SV2B: variants seen among roughly 807,000 people sequenced by gnomAD.
SV2B encodes synaptic vesicle glycoprotein 2B, also known as solute carrier family 22 member B2.
A neutral mutation model predicts 73.9 loss-of-function variants in SV2B; 41 were observed. The ratio of observed to expected loss-of-function variants is 0.56; its 90% CI spans 0.43 to 0.72. SV2B has a LOEUF of 0.72. SV2B is among the 30% of genes least tolerant of loss of function. The pLI, the probability that SV2B is intolerant of heterozygous loss-of-function variation, is 0.00. For synonymous variants in SV2B, 314 were observed against 314.2 expected, an observed-to-expected ratio of 1.00 and a Z score of 0.01; for missense variants, 764 against 857.8, an observed-to-expected ratio of 0.89 and a Z score of 1.37.
At chr15:91,108,369 C>T (rs2041947371) in intron 1 of SV2B, among the ~76,000 whole-genome samples, 1 of 152,154 alleles carries the variant, frequency 6.6e-6, no homozygotes, top group African/African-American at 2.4e-5. Flanking sequence ...GTTGGAATTC[C>T]ATAATGAAAA....
chr15:91,234,066 TCTA>T lies in SV2B; in HGVS notation c.451+7356_451+7358del, dbSNP rs1248692453. Among the ~76,000 whole-genome samples, 5 of 152,214 alleles carry T rather than the reference TCTA, an allele frequency of 3.3e-5. No homozygotes were observed. The highest frequency in any genetic ancestry group is 7.4e-5 in the Non-Finnish European group (5 of 68,024). On this transcript the variant is annotated intron_variant, in intron 2 of 12. Transcript: ENST00000394232. This position sits in a 1 kb window ranked among gnomAD's most constrained non-coding sequence, Gnocchi z 5.6. ...TGCAGCTTGTAGGGCTGGAAAAAAC[TCTA>T]CTATTTGTTTCATTGGTTGGCTGAA...
Position 91,140,241 on chromosome 15 carries a change from A to G in SV2B, c.-392+39878A>G, listed in dbSNP as rs964324669. Among the ~76,000 whole-genome samples, 1 of 152,262 alleles carries G rather than the reference A, an allele frequency of 6.6e-6. No individual in the cohort carries two copies. Among genetic ancestry groups the G allele is most frequent in the Non-Finnish European group, 1.5e-5 (1 of 68,042 alleles). On this transcript the variant is annotated intron_variant, in intron 1 of 12. Coordinates refer to ENST00000394232, the MANE Select transcript of SV2B (RefSeq NM_001323032.3). The surrounding 1 kb of genome is among the most constrained non-coding windows in gnomAD (Gnocchi z 4.4). ...ATTTTTCTTCAAAGTAATAGCAGCT[A>G]GGAACAAAGTTACATTTTCTCAAGC...
intron 9 of SV2B, among the ~76,000 whole-genome samples, chr15:91,270,826 A>G (rs80120177): frequency 0.17 from 15,359 of 89,642 alleles, 1,603 homozygotes; most frequent in African/African-American, 0.32. Flanking sequence ...GGGATGGTGA[A>G]TCCTGTGGAT....
At chr15:91,225,045 A>G (rs943685668) in intron 1 of SV2B, among the ~76,000 whole-genome samples, 2 of 152,252 alleles carry the variant, frequency 1.3e-5, no homozygotes, top group Non-Finnish European at 2.9e-5. Context: ...ACCAGGCACG[A>G]TTCTAAGTAC....
chr15:91,149,892 ACTT>A (rs2043259011), intron 1 of SV2B, among the ~76,000 whole-genome samples: 1 of 152,202 alleles, frequency 6.6e-6, no homozygotes, highest in South Asian at 2.1e-4. Flanking sequence ...ATTATATGCC[ACTT>A]CTTGTGCTGA....
In SV2B at chr15:91,232,026, G is replaced by A. The variant is rs529253626; in HGVS notation, c.451+5312G>A. 1.0e-3 allele frequency among the ~76,000 whole-genome samples: 154 copies of A among 152,264 alleles called. No individual in the cohort carries two copies. Among genetic ancestry groups the A allele is most frequent in the African/African-American group, 3.4e-3 (143 of 41,542 alleles). On this transcript the variant is annotated intron_variant, in intron 2 of 12. Transcript: ENST00000394232. This position sits in a 1 kb window ranked among gnomAD's most constrained non-coding sequence, Gnocchi z 4.7. ...AGATTATCTTGTGATTGTTTTATAT[G>A]CAAATTCTAGCCGAGCATCAGGGCA...
rs567931162 is a variant in SV2B, at chr15:91,256,273, T to G, written c.785-2148T>G. Among the ~76,000 whole-genome samples the G allele has an allele frequency of 3.3e-5, 5 of 152,334 alleles. No individual in the cohort carries two copies. The East Asian group carries it at 9.6e-4, about 29-fold the overall frequency. ...TTGGAAGCAGTTTGCCATTTAATTT[T>G]ATTTAATTTAGGGCCCTGAAGATGT... On this transcript the variant is annotated intron_variant, in intron 4 of 12. Transcript: ENST00000394232.
At chr15:91,251,692 C>T (rs1339675671) in intron 2 of SV2B, 127 bp from the exon 3 acceptor site, 6 of 1,134,402 alleles carry the variant, frequency 5.3e-6, no homozygotes, top group Non-Finnish European at 7.3e-6. Context: ...TCACATTCCA[C>T]CATTTTGTGT....
In SV2B at chr15:91,180,924, C is replaced by T. The variant is rs144267998; in HGVS notation, c.-391-44949C>T. On this transcript the variant is annotated intron_variant, in intron 1 of 12. Coordinates refer to ENST00000394232, the MANE Select transcript of SV2B (RefSeq NM_001323032.3). ...AGTCTTTCTCTGTCCAGCTTTGTTC[C>T]GTTGCTGGTGAGGAACTGCGTTCCT... Among the ~76,000 whole-genome samples, 954 of 152,320 alleles carry T rather than the reference C, an allele frequency of 6.3e-3. 10 individuals carry two copies. The highest frequency in any genetic ancestry group is 0.021 in the African/African-American group (859 of 41,564).
rs2046269492 is a variant in SV2B at position 91,223,118 on chromosome 15, C to CT, written c.-391-2751dup. On this transcript the variant is annotated intron_variant, in intron 1 of 12. Coordinates refer to ENST00000394232, the MANE Select transcript of SV2B (RefSeq NM_001323032.3). This position sits in a 1 kb window ranked among gnomAD's most constrained non-coding sequence, Gnocchi z 4.6. ...TGTCTTGGGTCTTCACTTTGTCTTC[C>CT]TTTTGAGCGTGTCTGTCTCTGTGTC... Among the ~76,000 whole-genome samples, 1 of 152,124 alleles carries CT rather than the reference C, an allele frequency of 6.6e-6. No homozygotes were observed. The highest frequency in any genetic ancestry group is 2.4e-5 in the African/African-American group (1 of 41,432).
intron 1 of SV2B, among the ~76,000 whole-genome samples, chr15:91,138,524 A>C (rs57245562): frequency 0.12 from 18,353 of 152,214 alleles, 1,189 homozygotes; most frequent in African/African-American, 0.14. Context: ...TGGCACTCTG[A>C]GTTCATGGAT....
rs74715831 is a variant in SV2B at position 91,192,181 on chromosome 15, C to A, written c.-391-33692C>A. 2.6e-5 allele frequency among the ~76,000 whole-genome samples: 4 copies of A among 152,238 alleles called. No homozygotes were observed. In the East Asian group the frequency reaches 7.7e-4, roughly 29 times the overall value. On this transcript the variant is annotated intron_variant, in intron 1 of 12. Transcript: ENST00000394232. The stretch of plus-strand genomic sequence containing the variant: ...TATTTATTCACTTTTCCTTCCATGC[C>A]TAGCAGGAAGGAATTTATTTTCTCT...
At chr15:91,173,229 G>A (rs890778881) in intron 1 of SV2B, among the ~76,000 whole-genome samples, 4 of 152,194 alleles carry the variant, frequency 2.6e-5, no homozygotes, top group African/African-American at 9.7e-5. Flanking sequence ...TACGAGCGCG[G>A]TGTGTCTGAA....
At chr15:91,131,168 T>TTA (rs1246005285) in intron 1 of SV2B, among the ~76,000 whole-genome samples, 2 of 122,084 alleles carry the variant, frequency 1.6e-5, no homozygotes, top group African/African-American at 2.8e-5. Context: ...TTTTTTTTTT[T>TTA]AAATAGAGAC....
In SV2B at chr15:91,147,523, C is replaced by T. The variant is rs151278072; in HGVS notation, c.-392+47160C>T. 5.3e-3 allele frequency among the ~76,000 whole-genome samples: 808 copies of T among 152,282 alleles called. 5 individuals are homozygous for T. Among genetic ancestry groups the T allele is most frequent in the African/African-American group, 0.018 (764 of 41,570 alleles). ...TTTGCTTCTGTGCTCCTTCCCCAGC[C>T]CAGGGGAATCTCTTTTTAGTCTGAG... is the stretch of plus-strand genomic sequence containing the variant. On this transcript the variant is annotated intron_variant, in intron 1 of 12. Transcript: ENST00000394232.
At chr15:91,233,130 T>G (rs931098927) in intron 2 of SV2B, among the ~76,000 whole-genome samples, 2 of 152,204 alleles carry the variant, frequency 1.3e-5, no homozygotes, top group African/African-American at 4.8e-5. Context: ...TTATGTTGAT[T>G]CGACGTTAAA....
chr15:91,261,522 T>C lies in SV2B; in HGVS notation c.1008+1113T>C, dbSNP rs1403659369. ...AATATTAGTGCAATGAACCTTCTTG[T>C]GCACATAGTTCCTTCCCCTTCATGT... On this transcript the variant is annotated intron_variant, in intron 6 of 12. Coordinates refer to ENST00000394232, the MANE Select transcript of SV2B (RefSeq NM_001323032.3). The surrounding 1 kb of genome is among the most constrained non-coding windows in gnomAD (Gnocchi z 4.7). 1.3e-5 allele frequency among the ~76,000 whole-genome samples: 2 copies of C among 152,298 alleles called. No homozygotes were observed. The highest frequency in any genetic ancestry group is 2.4e-5 in the African/African-American group (1 of 41,566).
intron 1 of SV2B, among the ~76,000 whole-genome samples, chr15:91,167,518 T>A (rs2043957837): frequency 6.6e-6 from 1 of 152,222 alleles, no homozygotes; most frequent in Non-Finnish European, 1.5e-5. Flanking sequence ...GTGTGGCCCC[T>A]TTCTCCATCT....
At chr15:91,201,220 C>T (rs1015050943) in intron 1 of SV2B, among the ~76,000 whole-genome samples, 1 of 152,154 alleles carries the variant, frequency 6.6e-6, no homozygotes, top group Non-Finnish European at 1.5e-5. Context: ...TTTTGGGTGC[C>T]TCTTTGTACT....
Sources: gnomAD v4.1 joint callset for allele counts (sites outside exome capture counted in the v4.1 genomes callset) on GRCh38, gnomAD v4.1.1 for gene constraint, Gnocchi (gnomAD v3.1) non-coding constraint, MANE v1.5 for transcripts, NCBI Gene and HGNC (gene_info 2026-07-23, HGNC 2026-07-21) for gene names.